Variants in CSTPP1 observed in about 807,000 individuals in gnomAD.
CSTPP1 encodes UPF0705 protein C11orf49.
At chr11:46,966,402 T>A in the CSTPP1 span, among the ~76,000 whole-genome samples, 8 of 152,236 alleles carry the variant, frequency 5.3e-5, no homozygotes, top group South Asian at 1.5e-3. Context: ...TTTTCCTCCT[T>A]TTTTTCCCAT....
the CSTPP1 span, among the ~76,000 whole-genome samples, chr11:46,962,154 G>A: frequency 2.6e-5 from 4 of 152,190 alleles, no homozygotes; most frequent in African/African-American, 7.2e-5. Flanking sequence ...CATGACACGT[G>A]GGGATTATGG....
the CSTPP1 span, among the ~76,000 whole-genome samples, chr11:46,962,182 G>A: frequency 6.6e-6 from 1 of 152,172 alleles, no homozygotes; most frequent in Admixed American, 6.5e-5. Context: ...AGTTCAAGAT[G>A]AGATTTGGGT....
the CSTPP1 span, among the ~76,000 whole-genome samples, chr11:47,120,563 G>A: frequency 4.6e-5 from 7 of 152,134 alleles, no homozygotes; most frequent in Non-Finnish European, 8.8e-5. This position sits in a 1 kb window ranked among gnomAD's most constrained non-coding sequence, Gnocchi z 4.2. Context: ...ATGATGGGGT[G>A]GTGATGGGTC....
chr11:47,154,962 A>G, the CSTPP1 span: 3 of 596,068 alleles, frequency 5.0e-6, no homozygotes, highest in East Asian at 5.5e-5. Context: ...TTGGTGGCAG[A>G]GTCCAATTGA....
the CSTPP1 span, among the ~76,000 whole-genome samples, chr11:47,108,335 C>T: frequency 1.1e-4 from 17 of 152,194 alleles, no homozygotes; most frequent in Admixed American, 9.2e-4. Context: ...TCCTCCAAAA[C>T]CAGCACAGCT....
chr11:46,998,848 G>A, the CSTPP1 span, among the ~76,000 whole-genome samples: 24 of 152,014 alleles, frequency 1.6e-4, no homozygotes, highest in Non-Finnish European at 2.6e-4. Flanking sequence ...ACATTCTCCC[G>A]CCTCAGCCTC....
At chr11:47,095,955 T>TA in the CSTPP1 span, among the ~76,000 whole-genome samples, 1 of 152,066 alleles carries the variant, frequency 6.6e-6, no homozygotes, top group Non-Finnish European at 1.5e-5. Context: ...AAAAACTACA[T>TA]AACAACTAAG....
At chr11:46,968,338 T>C in the CSTPP1 span, among the ~76,000 whole-genome samples, 4 of 147,048 alleles carry the variant, frequency 2.7e-5, no homozygotes, top group African/African-American at 9.9e-5. Context: ...GGCATAAATA[T>C]ATATATATTT....
the CSTPP1 span, among the ~76,000 whole-genome samples, chr11:47,088,473 A>G: frequency 6.6e-6 from 1 of 152,236 alleles, no homozygotes; most frequent in African/African-American, 2.4e-5. Context: ...TTTGTACACC[A>G]AAATGAATGG....
chr11:47,060,571 C>A, the CSTPP1 span, among the ~76,000 whole-genome samples: 115,403 of 151,900 alleles, frequency 0.76, 44,566 homozygotes, highest in African/African-American at 0.84. Context: ...TCTGCTGTGC[C>A]TGCTACCCCA....
the CSTPP1 span, chr11:47,158,014 G>C: frequency 8.7e-7 from 1 of 1,148,926 alleles, no homozygotes; most frequent in East Asian, 2.3e-5. Flanking sequence ...AGAGGGGAAG[G>C]GGCATCACCA....
chr11:46,987,396 A>G, the CSTPP1 span: 2 of 1,119,086 alleles, frequency 1.8e-6, no homozygotes, highest in South Asian at 1.3e-5. Context: ...AGAGCAGGAC[A>G]ATGCTGATTA....
At chr11:46,940,900 T>C in the CSTPP1 span, among the ~76,000 whole-genome samples, 31,880 of 152,176 alleles carry the variant, frequency 0.21, 4,582 homozygotes, top group East Asian at 0.66. Flanking sequence ...GCTGTTTGAA[T>C]TTTATGTCTC....
At chr11:47,060,913 C>T in the CSTPP1 span, among the ~76,000 whole-genome samples, 11,925 of 152,044 alleles carry the variant, frequency 0.078, 490 homozygotes, top group Non-Finnish European at 0.089. Flanking sequence ...AAGCATAGAC[C>T]CGTTAGGAGA....
chr11:47,107,113 T>A, the CSTPP1 span, among the ~76,000 whole-genome samples: 1 of 152,332 alleles, frequency 6.6e-6, no homozygotes, highest in East Asian at 1.9e-4. Flanking sequence ...GAGCAGCGGA[T>A]GGTGTGCAGT....
the CSTPP1 span, among the ~76,000 whole-genome samples, chr11:47,092,155 A>G: frequency 6.6e-6 from 1 of 152,230 alleles, no homozygotes; most frequent in Non-Finnish European, 1.5e-5. Flanking sequence ...CATATTCGTA[A>G]AAGCATTGTT....
chr11:46,968,378 T>C, the CSTPP1 span, among the ~76,000 whole-genome samples: 1 of 146,668 alleles, frequency 6.8e-6, no homozygotes, highest in East Asian at 1.9e-4. Context: ...TAATTATATA[T>C]AATATTTAAT....
chr11:47,052,295 T>C, the CSTPP1 span: 1 of 1,459,256 alleles, frequency 6.9e-7, no homozygotes, highest in South Asian at 1.4e-5. Flanking sequence ...TTCCCCGTTT[T>C]TGGCAGTGGT....
the CSTPP1 span, among the ~76,000 whole-genome samples, chr11:47,078,889 C>A: frequency 6.6e-6 from 1 of 152,078 alleles, no homozygotes; most frequent in Non-Finnish European, 1.5e-5. Flanking sequence ...CCACGAGTGT[C>A]CAGTTGAGGT....
Sources: allele counts gnomAD v4.1 joint callset (sites outside exome capture counted in the v4.1 genomes callset), GRCh38; gene constraint gnomAD v4.1.1; non-coding constraint Gnocchi (gnomAD v3.1); transcripts MANE v1.5; gene names NCBI Gene and HGNC (gene_info 2026-07-23, HGNC 2026-07-21).